Variants in BCAR3 observed in about 807,000 individuals in gnomAD.
The protein encoded by BCAR3 is BCAR3 adaptor protein, NSP family member, also known as breast cancer anti-estrogen resistance protein 3.
Under a neutral mutation model 80.1 loss-of-function variants are expected in BCAR3, and 37 were observed. The ratio of observed to expected loss-of-function variants is 0.46; its 90% CI spans 0.36 to 0.61. BCAR3 has a LOEUF of 0.61. Among genes scored for constraint, BCAR3 ranks in the 20% least tolerant of loss-of-function variants. The probability of loss-of-function intolerance (pLI) is 0.00; values close to 1 mark genes in which losing one functional copy is unlikely to be tolerated. For synonymous variants in BCAR3, 389 were observed against 418.9 expected, an observed-to-expected ratio of 0.93 and a Z score of 0.87; for missense variants, 978 against 1,068.2, an observed-to-expected ratio of 0.92 and a Z score of 1.18.
In BCAR3 at chr1:93,588,973, C is replaced by T; in HGVS notation, c.929+4G>A. 6.4e-7 allele frequency: 1 copy of T among 1,556,766 alleles called. No homozygotes were observed. Among genetic ancestry groups the T allele is most frequent in the African/African-American group, 1.4e-5 (1 of 73,986 alleles). ...ATAGTCCTGCAGAGGAGGCCCTGAC[C>T]TACCTGAGGAGGTTTCCCCTGGGCA... On this transcript the variant is annotated splice_donor_region_variant and intron_variant, in intron 5 of 11. Coordinates refer to ENST00000260502, the MANE Select transcript of BCAR3 (RefSeq NM_003567.4).
intron 2 of BCAR3, among the ~76,000 whole-genome samples, chr1:93,760,849 C>T (rs1478833685): frequency 6.6e-6 from 1 of 152,162 alleles, no homozygotes; most frequent in Non-Finnish European, 1.5e-5. Context: ...CTGGACCTAT[C>T]ACTGTGGCCC....
At chr1:93,756,558 A>G (rs1172405731) in intron 2 of BCAR3, among the ~76,000 whole-genome samples, 1 of 152,234 alleles carries the variant, frequency 6.6e-6, no homozygotes, top group Non-Finnish European at 1.5e-5. Flanking sequence ...GGTGGGGGAA[A>G]AGCTGATAAA....
chr1:93,815,439 G>A (rs1157829700), intron 2 of BCAR3, among the ~76,000 whole-genome samples: 1 of 152,184 alleles, frequency 6.6e-6, no homozygotes, highest in Non-Finnish European at 1.5e-5. Context: ...TTGCAGTAGT[G>A]AACTTGAGCT....
intron 2 of BCAR3, among the ~76,000 whole-genome samples, chr1:93,746,605 T>C (rs1651367765): frequency 6.6e-6 from 1 of 152,198 alleles, no homozygotes; most frequent in Non-Finnish European, 1.5e-5. Context: ...GCCCAGCACG[T>C]ACACCTGTAA....
intron 2 of BCAR3, among the ~76,000 whole-genome samples, chr1:93,740,147 AAAGTC>A (rs1245861633): frequency 3.9e-5 from 6 of 152,218 alleles, no homozygotes; most frequent in African/African-American, 1.2e-4. Context: ...TCTGGGGAGA[AAAGTC>A]AAGTCAACTC....
intron 2 of BCAR3, among the ~76,000 whole-genome samples, chr1:93,768,435 T>C (rs1020171467): frequency 2.0e-5 from 3 of 152,186 alleles, no homozygotes; most frequent in South Asian, 2.1e-4. Flanking sequence ...CACCACCCAT[T>C]TGGGCAAATC....
At chr1:93,747,734 C>A (rs1224370536) in intron 2 of BCAR3, among the ~76,000 whole-genome samples, 1 of 151,634 alleles carries the variant, frequency 6.6e-6, no homozygotes, top group Non-Finnish European at 1.5e-5. Flanking sequence ...CTTTCAGCAC[C>A]TCTCTATTGC....
chr1:93,749,088 T>A (rs1178885529), intron 2 of BCAR3, among the ~76,000 whole-genome samples: 1 of 152,076 alleles, frequency 6.6e-6, no homozygotes, highest in Non-Finnish European at 1.5e-5. Flanking sequence ...TGTTACTATA[T>A]CCTTCAACAA....
chr1:93,589,196 T>C lies in BCAR3; in HGVS notation c.710A>G (p.Asn237Ser). ...IPGLVRCYVGNRRPISQQSGA... is the reference protein window; with the variant it reads ...IPGLVRCYVGSRRPISQQSGA... Reference sequence around the variant, plus strand: ...ACTCTGCTGGGAGATGGGCCGGCGGTTGCCCACGTAGCAGCGCACCAGGCC... The same window carrying C: ...ACTCTGCTGGGAGATGGGCCGGCGGCTGCCCACGTAGCAGCGCACCAGGCC... The change falls in exon 5 of 12, where the codon AAC becomes AGC. Residue 237 changes from asparagine to serine, a missense_variant. Transcript: ENST00000260502. 2 of 1,613,672 alleles carry C rather than the reference T, an allele frequency of 1.2e-6. No homozygotes were observed. The highest frequency in any genetic ancestry group is 2.2e-5 in the East Asian group (1 of 44,876).
At chr1:93,584,711 C>T (rs1160333112) in intron 5 of BCAR3, among the ~76,000 whole-genome samples, 5 of 152,168 alleles carry the variant, frequency 3.3e-5, no homozygotes, top group Admixed American at 6.5e-5. Flanking sequence ...GAAAAGGCAC[C>T]GGCACGGTCA....
At chr1:93,653,580 C>G (rs1464675841) in intron 2 of BCAR3, among the ~76,000 whole-genome samples, 2 of 152,186 alleles carry the variant, frequency 1.3e-5, no homozygotes, top group African/African-American at 2.4e-5. Context: ...ATGCACTAGG[C>G]TAGACAATGG....
intron 2 of BCAR3, among the ~76,000 whole-genome samples, chr1:93,813,506 GA>G (rs1653919782): frequency 1.3e-5 from 2 of 152,148 alleles, no homozygotes; most frequent in African/African-American, 4.8e-5. Flanking sequence ...AAAAGTTACA[GA>G]AAAATTGTAA....
intron 2 of BCAR3, among the ~76,000 whole-genome samples, chr1:93,733,422 G>A (rs1020630770): frequency 3.9e-5 from 6 of 152,182 alleles, no homozygotes; most frequent in Non-Finnish European, 5.9e-5. Context: ...ACAGGAAGCC[G>A]GTGTTCAGGA....
chr1:93,582,336 C>T lies in BCAR3; in HGVS notation c.1651G>A (p.Val551Ile), dbSNP rs772662965. The change falls in exon 7 of 12, where the codon GTC (valine) becomes ATC (isoleucine). Residue 551 changes from valine (V) to isoleucine (I), a missense_variant. By Grantham distance (29) the Val-to-Ile change is conservative. Coordinates refer to ENST00000260502, the MANE Select transcript of BCAR3 (RefSeq NM_003567.4). The part of the protein sequence containing the change: ...KELFTNNDPK[V>I]IAQHVLSMDC... ...ATGCTCAGTACGTGCTGGGCGATGA[C>T]CTTGGGGTCGTTGTTGGTGAACAGT... 5 of 1,614,160 alleles carry T rather than the reference C, an allele frequency of 3.1e-6. No homozygotes were observed. The Admixed American group carries it at 8.3e-5, about 27-fold the overall frequency.
chr1:93,583,016 A>G, intron 6 of BCAR3, 63 bp from the exon 7 acceptor site: 2 of 1,488,740 alleles, frequency 1.3e-6, no homozygotes, highest in Non-Finnish European at 1.8e-6. Context: ...AACAAACAAA[A>G]CCAGAGTGGC....
intron 3 of BCAR3, among the ~76,000 whole-genome samples, chr1:93,624,861 A>T (rs1199312712): frequency 6.6e-6 from 1 of 152,242 alleles, no homozygotes; most frequent in Non-Finnish European, 1.5e-5. Context: ...CTCACCGGGT[A>T]AGCCAGCCTT....
intron 2 of BCAR3, among the ~76,000 whole-genome samples, chr1:93,738,324 C>A (rs1651054779): frequency 6.6e-6 from 1 of 152,202 alleles, no homozygotes; most frequent in Admixed American, 6.5e-5. Flanking sequence ...CTTTCATGCT[C>A]ATTTCCAAAA....
chr1:93,830,656 C>T (rs927858318), intron 2 of BCAR3, among the ~76,000 whole-genome samples: 35 of 152,150 alleles, frequency 2.3e-4, no homozygotes, highest in African/African-American at 5.6e-4. Context: ...ACTCTCTTTT[C>T]GGACTCAGCC....
At chr1:93,797,601 A>C (rs1405821659) in intron 2 of BCAR3, among the ~76,000 whole-genome samples, 1 of 152,106 alleles carries the variant, frequency 6.6e-6, no homozygotes, top group African/African-American at 2.4e-5. Context: ...AAGCAAAACC[A>C]GTGGAAGAGC....
Sources: gnomAD v4.1 joint callset for allele counts (sites outside exome capture counted in the v4.1 genomes callset) on GRCh38, gnomAD v4.1.1 for gene constraint, MANE v1.5 for transcripts, NCBI Gene and HGNC (gene_info 2026-07-23, HGNC 2026-07-21) for gene names.